Variants in METTL24 observed in about 807,000 individuals in gnomAD.
The protein encoded by METTL24 is probable methyltransferase-like protein 24.
Under a neutral mutation model 32.7 loss-of-function variants are expected in METTL24, and 29 were observed. The ratio of observed to expected loss-of-function variants is 0.89; its 90% confidence interval spans 0.66 to 1.21. METTL24 has a LOEUF of 1.21. Ranked by LOEUF, METTL24 falls within the 50% of genes most tolerant of loss-of-function variation. METTL24 has a pLI of 0.00. For missense variants in METTL24, 439 were observed against 468.1 expected (o/e 0.94, Z 0.57); for synonymous variants, 163 against 179.5 (o/e 0.91, Z 0.73).
chr6:110,308,339 A>G (rs1280718213), intron 3 of METTL24, among the ~76,000 whole-genome samples: 2 of 152,176 alleles, frequency 1.3e-5, no homozygotes, highest in Non-Finnish European at 2.9e-5. Context: ...TTCTTTTAAA[A>G]ATATTCCCAA....
intron 4 of METTL24, 23 bp downstream of exon 4, chr6:110,298,899 T>G: frequency 6.2e-7 from 1 of 1,604,222 alleles, no homozygotes; most frequent in Non-Finnish European, 8.5e-7. Flanking sequence ...TATTCAAGTA[T>G]AAAATCAAAT....
At chr6:110,349,362 AGCAATGTTCCAGATG>A (rs1317270609) in intron 1 of METTL24, among the ~76,000 whole-genome samples, 2 of 152,232 alleles carry the variant, frequency 1.3e-5, no homozygotes, top group Non-Finnish European at 2.9e-5. Context: ...CAAGGTGACC[AGCAATGTTCCAGATG>A]GCAGTCACAC....
intron 1 of METTL24, among the ~76,000 whole-genome samples, chr6:110,343,139 T>A (rs1240436394): frequency 6.6e-6 from 1 of 152,176 alleles, no homozygotes; most frequent in Non-Finnish European, 1.5e-5. Context: ...CGTGTACCCA[T>A]TTCCATGGCA....
At chr6:110,305,946 C>T (rs1167397591) in intron 3 of METTL24, among the ~76,000 whole-genome samples, 1 of 152,174 alleles carries the variant, frequency 6.6e-6, no homozygotes, top group Non-Finnish European at 1.5e-5. Context: ...CAATGTTAGA[C>T]TGGATAAAGA....
intron 1 of METTL24, among the ~76,000 whole-genome samples, chr6:110,348,130 C>A (rs928939215): frequency 1.3e-5 from 2 of 152,248 alleles, no homozygotes; most frequent in Non-Finnish European, 2.9e-5. Context: ...TATTCATTGA[C>A]TGAACTCTTT....
At chr6:110,309,829 C>A (rs1771686316) in intron 3 of METTL24, among the ~76,000 whole-genome samples, 1 of 151,518 alleles carries the variant, frequency 6.6e-6, no homozygotes, top group African/African-American at 2.4e-5. Context: ...CAGACAATAT[C>A]ACTCCCAAAG....
At chr6:110,257,300 A>G (rs1778402918) in intron 4 of METTL24, among the ~76,000 whole-genome samples, 2 of 152,208 alleles carry the variant, frequency 1.3e-5, no homozygotes, top group African/African-American at 2.4e-5. Context: ...GTGTACAAGG[A>G]AGTGAACTGT....
At chr6:110,281,572 C>T (rs1396230370) in intron 4 of METTL24, among the ~76,000 whole-genome samples, 1 of 151,658 alleles carries the variant, frequency 6.6e-6, no homozygotes, top group African/African-American at 2.4e-5. Context: ...GAGGTTGAAC[C>T]CAGGAGGCAG....
At chr6:110,355,112 C>A (rs1392560171) in intron 1 of METTL24, among the ~76,000 whole-genome samples, 1 of 152,144 alleles carries the variant, frequency 6.6e-6, no homozygotes, top group East Asian at 1.9e-4. Context: ...ACAAAACATT[C>A]CATCCGAAAT....
intron 4 of METTL24, among the ~76,000 whole-genome samples, chr6:110,251,784 C>G (rs1447286913): frequency 3.3e-5 from 5 of 152,122 alleles, no homozygotes; most frequent in African/African-American, 1.2e-4. Flanking sequence ...ATAAGGGCAC[C>G]TAATCCCATT....
chr6:110,339,391 A>T (rs1302351335), intron 1 of METTL24, among the ~76,000 whole-genome samples: 1 of 152,252 alleles, frequency 6.6e-6, no homozygotes, highest in Admixed American at 6.5e-5. Context: ...AAAGAAAATG[A>T]GTTCTCTTTC....
At position 110,326,316 on chromosome 6, in the gene METTL24, C is replaced by T. The variant is rs956100499; in HGVS notation, c.319-3444G>A. Among the ~76,000 whole-genome samples, 6 of 152,332 alleles carry T rather than the reference C, an allele frequency of 3.9e-5. 1 individual carries two copies. Among genetic ancestry groups the T allele is most frequent in the South Asian group, 4.1e-4 (2 of 4,822 alleles). On this transcript the variant is annotated intron_variant, in intron 1 of 4. Transcript: ENST00000338882. ...ACCCTTTTGTCCAATCACACTTCCA[C>T]GTAGCTGTCCATCTTCATGGAACCT...
chr6:110,268,350 G>A (rs1449670589), intron 4 of METTL24, among the ~76,000 whole-genome samples: 1 of 152,126 alleles, frequency 6.6e-6, no homozygotes, highest in Non-Finnish European at 1.5e-5. Flanking sequence ...CTTCAAAACA[G>A]GGGTTCTTGC....
At chr6:110,256,901 T>C (rs1778395703) in intron 4 of METTL24, among the ~76,000 whole-genome samples, 1 of 152,206 alleles carries the variant, frequency 6.6e-6, no homozygotes, top group African/African-American at 2.4e-5. Flanking sequence ...CGTTTCTCTA[T>C]TCATGTCACT....
At chr6:110,329,522 G>T (rs186740395) in intron 1 of METTL24, among the ~76,000 whole-genome samples, 1 of 148,838 alleles carries the variant, frequency 6.7e-6, no homozygotes, top group Non-Finnish European at 1.5e-5. Context: ...GGAGTAGTTG[G>T]GGGAGGGAGA....
intron 4 of METTL24, among the ~76,000 whole-genome samples, chr6:110,296,547 A>G (rs1771423237): frequency 6.6e-6 from 1 of 152,186 alleles, no homozygotes; most frequent in Non-Finnish European, 1.5e-5. Context: ...TACAAAAGCC[A>G]TTTGCATCTT....
intron 1 of METTL24, among the ~76,000 whole-genome samples, chr6:110,334,675 A>G (rs1772177160): frequency 6.6e-6 from 1 of 152,220 alleles, no homozygotes; most frequent in Admixed American, 6.5e-5. Flanking sequence ...TCATGAGGCT[A>G]TCACATCCCA....
chr6:110,346,474 C>T (rs111318798), intron 1 of METTL24, among the ~76,000 whole-genome samples: 1,650 of 149,656 alleles, frequency 0.011, 13 homozygotes, highest in Non-Finnish European at 0.016. Flanking sequence ...TAAGCAGTTC[C>T]TTTGTCCCTA....
At chr6:110,336,671 G>A (rs1165151032) in intron 1 of METTL24, among the ~76,000 whole-genome samples, 6 of 151,780 alleles carry the variant, frequency 4.0e-5, no homozygotes, top group South Asian at 4.2e-4. Context: ...CCCAGGAGGC[G>A]GGGCTTGCAG....
Sources: allele counts gnomAD v4.1 joint callset (sites outside exome capture counted in the v4.1 genomes callset), GRCh38; gene constraint gnomAD v4.1.1; transcripts MANE v1.5; gene names NCBI Gene and HGNC (gene_info 2026-07-23, HGNC 2026-07-21).